RBFOX1: variants seen among roughly 807,000 people sequenced by gnomAD.
RBFOX1 encodes the protein RNA binding protein fox-1 homolog 1.
In RBFOX1, 8 loss-of-function variants were observed where a neutral mutation model predicts 57.7. The observed-to-expected ratio is 0.14, with a 90% CI of 0.08 to 0.25. RBFOX1 has a LOEUF of 0.25. Ranked by LOEUF, RBFOX1 falls within the 10% of genes least tolerant of loss-of-function variation. The pLI is 1.00. For missense variants in RBFOX1, 611 were observed against 548.5 expected, an observed-to-expected ratio of 1.11 and a Z score of -1.14; for synonymous variants, 326 against 222.4, an observed-to-expected ratio of 1.47 and a Z score of -4.15.
chr16:7,681,951 A>C (rs1471020380), intron 14 of RBFOX1, among the ~76,000 whole-genome samples: 1 of 152,122 alleles, frequency 6.6e-6, no homozygotes, highest in Non-Finnish European at 1.5e-5. Flanking sequence ...ATCTTATTCT[A>C]GTGCCGTATT....
chr16:6,455,730 T>G (rs2094754974), intron 2 of RBFOX1, among the ~76,000 whole-genome samples: 1 of 151,858 alleles, frequency 6.6e-6, no homozygotes, highest in African/African-American at 2.4e-5. Context: ...ATGGAGGGGG[T>G]CGTTGCAGCT....
At chr16:5,782,637 A>G (rs1358326698) in intron 3 of RBFOX1, among the ~76,000 whole-genome samples, 1 of 152,148 alleles carries the variant, frequency 6.6e-6, no homozygotes, top group Non-Finnish European at 1.5e-5. Context: ...CCAATGGGAG[A>G]TACTGAATGT....
intron 4 of RBFOX1, among the ~76,000 whole-genome samples, chr16:7,292,817 G>A (rs1409713859): frequency 6.6e-6 from 1 of 152,058 alleles, no homozygotes; most frequent in Admixed American, 6.6e-5. Flanking sequence ...AAGCACAATA[G>A]GTCTTGTAAT....
At chr16:7,700,507 T>C (rs1247490529) in intron 14 of RBFOX1, among the ~76,000 whole-genome samples, 1 of 152,172 alleles carries the variant, frequency 6.6e-6, no homozygotes, top group Non-Finnish European at 1.5e-5. Flanking sequence ...TCATAAGGGA[T>C]ACAATTTGTT....
At chr16:6,440,030 G>A (rs940710314) in intron 2 of RBFOX1, among the ~76,000 whole-genome samples, 3 of 118,162 alleles carry the variant, frequency 2.5e-5, no homozygotes, top group Non-Finnish European at 3.6e-5. Flanking sequence ...TCCTTCTCCT[G>A]GGTTCAAGCA....
At chr16:5,749,007 A>T (rs201581265) in intron 3 of RBFOX1, among the ~76,000 whole-genome samples, 1 of 152,122 alleles carries the variant, frequency 6.6e-6, no homozygotes, top group African/African-American at 2.4e-5. Flanking sequence ...AGTGGCTGGT[A>T]TCGGTTGTTC....
At chr16:7,622,304 G>C (rs1161790247) in intron 10 of RBFOX1, among the ~76,000 whole-genome samples, 1 of 152,174 alleles carries the variant, frequency 6.6e-6, no homozygotes, top group East Asian at 1.9e-4. Flanking sequence ...CTGTCCTACA[G>C]GGTCATTAAG....
At chr16:5,384,206 A>G (rs1045751951) in intron 1 of RBFOX1, among the ~76,000 whole-genome samples, 6 of 152,192 alleles carry the variant, frequency 3.9e-5, no homozygotes, top group African/African-American at 1.4e-4. Context: ...ACACATGGGT[A>G]CAGGCTTCTT....
intron 2 of RBFOX1, among the ~76,000 whole-genome samples, chr16:6,601,212 AAG>A (rs1198089180): frequency 6.6e-6 from 1 of 152,144 alleles, no homozygotes; most frequent in African/African-American, 2.4e-5. Context: ...CATGAAATGG[AAG>A]AGTCTTTTTT....
intron 1 of RBFOX1, among the ~76,000 whole-genome samples, chr16:6,085,885 C>T (rs752544724): frequency 2.6e-5 from 4 of 152,012 alleles, no homozygotes; most frequent in Non-Finnish European, 5.9e-5. Flanking sequence ...CATAGGTAAA[C>T]GTGTGCTGTG....
At chr16:7,269,647 C>T (rs118190018) in intron 4 of RBFOX1, among the ~76,000 whole-genome samples, 2,253 of 152,208 alleles carry the variant, frequency 0.015, 30 homozygotes, top group Non-Finnish European at 0.025. Context: ...AAAGTTATTA[C>T]CTCTGTTGTT....
chr16:6,564,414 C>T (rs780234476), intron 2 of RBFOX1, among the ~76,000 whole-genome samples: 19 of 151,980 alleles, frequency 1.3e-4, no homozygotes, highest in African/African-American at 4.6e-4. Context: ...GAGCCGAGAT[C>T]GTGCCACTAC....
In RBFOX1 at chr16:6,859,167, A is replaced by ATATATATACGTATATATATACG. The variant is rs1567593244; in HGVS notation, c.-15-192883_-15-192882insACGTATATATATACGTATATAT. 1.0e-3 allele frequency among the ~76,000 whole-genome samples: 77 copies of ATATATATACGTATATATATACG among 73,690 alleles called. 9 individuals carry two copies. The highest frequency in any genetic ancestry group is 4.8e-3 in the African/African-American group (71 of 14,770). 48.3% of individuals were successfully genotyped at this position (73,690 alleles called of 152,430 possible). A position where few individuals can be genotyped will look rare whatever the true frequency, so the allele number is the denominator to read the frequency against. On this transcript the variant is annotated intron_variant, in intron 3 of 15. Coordinates refer to ENST00000550418, the MANE Select transcript of RBFOX1 (RefSeq NM_018723.4). ...TATATATATATGTATATATATACGT[A>ATATATATACGTATATATATACG]TATATATGTATATATATGTATATAT...
chr16:7,146,010 G>C (rs993612285), intron 4 of RBFOX1, among the ~76,000 whole-genome samples: 1 of 152,168 alleles, frequency 6.6e-6, no homozygotes, highest in Non-Finnish European at 1.5e-5. Context: ...TTTGATGACT[G>C]GCTAGGGGCT....
chr16:6,736,719 C>A (rs1042350066), intron 3 of RBFOX1, among the ~76,000 whole-genome samples: 2 of 152,152 alleles, frequency 1.3e-5, no homozygotes, highest in African/African-American at 2.4e-5. Flanking sequence ...CTTTTAGTTC[C>A]TTAATGAATC....
chr16:7,116,914 G>A (rs888487466), intron 4 of RBFOX1, among the ~76,000 whole-genome samples: 4 of 152,126 alleles, frequency 2.6e-5, no homozygotes, highest in African/African-American at 9.7e-5. Context: ...CTAGGGAGAG[G>A]AAGTTTGGGG....
intron 2 of RBFOX1, among the ~76,000 whole-genome samples, chr16:6,651,668 C>T (rs186048257): frequency 6.6e-6 from 1 of 152,116 alleles, no homozygotes; most frequent in Non-Finnish European, 1.5e-5. Context: ...AAAAATGAAA[C>T]ATTGAATTAC....
At chr16:7,287,610 T>C (rs542548832) in intron 4 of RBFOX1, among the ~76,000 whole-genome samples, 2 of 152,328 alleles carry the variant, frequency 1.3e-5, no homozygotes, top group African/African-American at 4.8e-5. Flanking sequence ...TTTTTCCTTA[T>C]AATGAAAGTA....
intron 3 of RBFOX1, among the ~76,000 whole-genome samples, chr16:6,988,532 TTC>T (rs1456380147): frequency 1.3e-5 from 2 of 151,834 alleles, no homozygotes; most frequent in Non-Finnish European, 2.9e-5. Context: ...GTTTTATTTT[TTC>T]TTTTCCCTTT....
Sources: gnomAD v4.1 joint callset for allele counts (sites outside exome capture counted in the v4.1 genomes callset) on GRCh38, gnomAD v4.1.1 for gene constraint, MANE v1.5 for transcripts, NCBI Gene and HGNC (gene_info 2026-07-23, HGNC 2026-07-21) for gene names.